The following BARX2 variants were observed in gnomAD, a reference collection of about 807,000 sequenced individuals.
BARX2 encodes the protein BARX homeobox 2, also known as homeobox protein BarH-like 2.
In BARX2, 11 loss-of-function variants were observed where a neutral mutation model predicts 25.5. The ratio of observed to expected loss-of-function variants is 0.43; its 90% CI spans 0.27 to 0.71. The LOEUF is 0.71. Ranked by LOEUF, BARX2 falls within the 30% of genes least tolerant of loss-of-function variation. The probability of loss-of-function intolerance (pLI) is 0.19; values close to 1 mark genes in which losing one functional copy is unlikely to be tolerated. For missense variants in BARX2, 360 were observed against 359.9 expected (o/e 1.00, Z 0.00); for synonymous variants, 137 against 149.5 (o/e 0.92, Z 0.61).
intron 1 of BARX2, among the ~76,000 whole-genome samples, chr11:129,412,251 T>G (rs973128118): frequency 4.0e-5 from 6 of 150,058 alleles, no homozygotes; most frequent in Non-Finnish European, 8.9e-5. Flanking sequence ...CAGCCTGGGC[T>G]ACAGGGCGAG....
chr11:129,434,437 A>C (rs1278891123), intron 1 of BARX2, among the ~76,000 whole-genome samples: 1 of 148,442 alleles, frequency 6.7e-6, no homozygotes, highest in Non-Finnish European at 1.5e-5. Flanking sequence ...AAAAAAAAAA[A>C]AAAAAAAAAC....
At chr11:129,422,615 G>A (rs890010885) in intron 1 of BARX2, among the ~76,000 whole-genome samples, 2 of 150,916 alleles carry the variant, frequency 1.3e-5, no homozygotes, top group African/African-American at 2.4e-5. Flanking sequence ...TGGTCTTCTC[G>A]TGTATTGTTT....
chr11:129,399,733 T>C (rs1051596097), intron 1 of BARX2, among the ~76,000 whole-genome samples: 1 of 152,126 alleles, frequency 6.6e-6, no homozygotes, highest in African/African-American at 2.4e-5. Context: ...CCCCTTTTAA[T>C]TATATGTAAA....
At position 129,385,363 on chromosome 11, in the gene BARX2, A is replaced by G. The variant is rs567064733; in HGVS notation, c.187+9141A>G. Among the ~76,000 whole-genome samples, 3 of 152,316 alleles carry G rather than the reference A, an allele frequency of 2.0e-5. No individual in the cohort carries two copies. In the East Asian group the frequency reaches 5.8e-4, roughly 29 times the overall value. On this transcript the variant is annotated intron_variant, in intron 1 of 3. Coordinates refer to ENST00000281437, the MANE Select transcript of BARX2 (RefSeq NM_003658.5). ...CTGTAAAAATGTTCACCTGTGTGTT[A>G]TGTTAGTAAAAAATAAAAAACAATT... is the stretch of plus-strand genomic sequence containing the variant.
At chr11:129,403,158 C>T (rs1021286217) in intron 1 of BARX2, among the ~76,000 whole-genome samples, 1 of 152,224 alleles carries the variant, frequency 6.6e-6, no homozygotes. Context: ...GTGGGTTTTT[C>T]CAGCCCCTTT....
chr11:129,410,400 T>C (rs1366684532), intron 1 of BARX2, among the ~76,000 whole-genome samples: 1 of 152,252 alleles, frequency 6.6e-6, no homozygotes, highest in East Asian at 1.9e-4. Context: ...TATAAGTTTT[T>C]CTTCTACCCC....
chr11:129,449,067 A>G (rs186541024), intron 3 of BARX2, among the ~76,000 whole-genome samples: 1 of 152,166 alleles, frequency 6.6e-6, no homozygotes, highest in African/African-American at 2.4e-5. Flanking sequence ...ATAGGGACTG[A>G]CCGCTAATGC....
chr11:129,451,501 T>G lies in BARX2; in HGVS notation c.*99T>G, dbSNP rs1171365965. On this transcript the variant is annotated 3_prime_UTR_variant, in exon 4 of 4. Transcript: ENST00000281437. ...AAAACCTTCCAGCAGCCCAGTAAAC[T>G]GCGGGCGAAGAGATCTACCCGTCTC... is the stretch of plus-strand genomic sequence containing the variant. 3.3e-5 allele frequency: 45 copies of G among 1,373,722 alleles called. 2 individuals carry two copies. Among genetic ancestry groups the G allele is most frequent in the Non-Finnish European group, 2.7e-5 (27 of 1,016,944 alleles). 85.1% of individuals were successfully genotyped at this position (1,373,722 alleles called of 1,614,324 possible).
At chr11:129,375,541 C>A (rs780533626), upstream of BARX2, among the ~76,000 whole-genome samples, 1 of 152,062 alleles carries the variant, frequency 6.6e-6, no homozygotes, top group Admixed American at 6.5e-5. The surrounding 1 kb of genome is among the most constrained non-coding windows in gnomAD (Gnocchi z 4.0). Flanking sequence ...GGTGCGCGCT[C>A]CCCGCACCGC....
intron 1 of BARX2, among the ~76,000 whole-genome samples, chr11:129,405,761 T>C (rs1861823143): frequency 6.6e-6 from 1 of 152,248 alleles, no homozygotes; most frequent in Non-Finnish European, 1.5e-5. Context: ...AGTCTCCACG[T>C]CATGCATGGT....
At chr11:129,426,370 G>A (rs1373833174) in intron 1 of BARX2, among the ~76,000 whole-genome samples, 1 of 148,206 alleles carries the variant, frequency 6.7e-6, no homozygotes, top group Non-Finnish European at 1.5e-5. Context: ...TTCCATGCTG[G>A]TTTTTTTTTG....
In BARX2 at chr11:129,441,509, C is replaced by T. The variant is rs542538394; in HGVS notation, c.489-1326C>T. Among the ~76,000 whole-genome samples, 51 of 152,282 alleles carry T rather than the reference C, an allele frequency of 3.3e-4. 1 individual carries two copies. The South Asian group carries it at 6.0e-3, about 18-fold the overall frequency. ...CATTGCCTAGGCTGCAGTGCCGTGG[C>T]GCCATCTCGGCTCACTGCAACCTCC... On this transcript the variant is annotated intron_variant, in intron 2 of 3. Transcript: ENST00000281437.
At chr11:129,430,343 A>G (rs1304642902) in intron 1 of BARX2, among the ~76,000 whole-genome samples, 2 of 152,210 alleles carry the variant, frequency 1.3e-5, no homozygotes, top group Non-Finnish European at 2.9e-5. Context: ...ATATGTTTCA[A>G]TAGATTAATA....
At chr11:129,446,063 G>A (rs555470376) in intron 3 of BARX2, among the ~76,000 whole-genome samples, 9 of 152,140 alleles carry the variant, frequency 5.9e-5, no homozygotes, top group Non-Finnish European at 1.3e-4. Flanking sequence ...ATTCTGACCC[G>A]TCAGCATTGG....
chr11:129,451,144 A>G lies in BARX2; in HGVS notation c.582A>G (p.Lys194=). ...RRMKWKKMVL[K]GGQEAPTKPK... The stretch of plus-strand genomic sequence containing the variant: ...ATTTTTTACTCACGTAGGTTCTTAA[A>G]GGTGGACAGGAAGCACCCACAAAAC... The change falls in exon 4 of 4, where the codon AAA becomes AAG. Residue 194 remains lysine, a synonymous_variant. Coordinates refer to ENST00000281437, the MANE Select transcript of BARX2 (RefSeq NM_003658.5). 1 of 1,613,606 alleles carries G rather than the reference A, an allele frequency of 6.2e-7. No individual in the cohort carries two copies. Among genetic ancestry groups the G allele is most frequent in the Non-Finnish European group, 8.5e-7 (1 of 1,179,662 alleles).
chr11:129,439,993 A>G (rs1282049061), intron 2 of BARX2, among the ~76,000 whole-genome samples: 2 of 152,082 alleles, frequency 1.3e-5, no homozygotes, highest in African/African-American at 4.8e-5. Flanking sequence ...CAGGTCACCT[A>G]CACAGGATTG....
intron 1 of BARX2, among the ~76,000 whole-genome samples, chr11:129,391,291 T>C (rs1861663421): frequency 6.6e-6 from 1 of 152,190 alleles, no homozygotes; most frequent in Non-Finnish European, 1.5e-5. Flanking sequence ...GTGAAAATTA[T>C]GTGAAATTCA....
At chr11:129,442,722 G>T in intron 2 of BARX2, 113 bp from the exon 3 acceptor site, 1 of 908,840 alleles carries the variant, frequency 1.1e-6, no homozygotes, top group South Asian at 1.3e-5. Flanking sequence ...AATGGGGGAG[G>T]TCCGAGCCTT....
chr11:129,427,284 T>G (rs1190333032), intron 1 of BARX2, among the ~76,000 whole-genome samples: 1 of 152,190 alleles, frequency 6.6e-6, no homozygotes, highest in Non-Finnish European at 1.5e-5. Flanking sequence ...ACCTGCTCAC[T>G]GTGTGAGTCA....
Sources: allele counts gnomAD v4.1 joint callset (sites outside exome capture counted in the v4.1 genomes callset), GRCh38; gene constraint gnomAD v4.1.1; non-coding constraint Gnocchi (gnomAD v3.1); transcripts MANE v1.5; gene names NCBI Gene and HGNC (gene_info 2026-07-23, HGNC 2026-07-21).